Variants in DOK6 observed in about 807,000 individuals in gnomAD.
The protein encoded by DOK6 is docking protein 6, also known as downstream of tyrosine kinase 6.
In DOK6, 22 loss-of-function variants were observed where a neutral mutation model predicts 44.0. That is an observed-to-expected ratio of 0.50 (90% CI 0.36 to 0.71). The LOEUF is 0.71. Ranked by LOEUF, DOK6 falls within the 30% of genes least tolerant of loss-of-function variation. The pLI, the probability that DOK6 is intolerant of heterozygous loss-of-function variation, is 0.00. For missense variants in DOK6, 340 were observed against 416.4 expected (o/e 0.82, Z 1.60); for synonymous variants, 166 against 145.5 (o/e 1.14, Z -1.01).
chr18:69,626,519 G>T (rs1009770363), intron 3 of DOK6, among the ~76,000 whole-genome samples: 2 of 152,114 alleles, frequency 1.3e-5, no homozygotes, highest in African/African-American at 4.8e-5. Flanking sequence ...ATCCATGCTG[G>T]CAAAAAGCTA....
At chr18:69,820,957 C>A (rs946459752) in intron 7 of DOK6, among the ~76,000 whole-genome samples, 2 of 151,964 alleles carry the variant, frequency 1.3e-5, no homozygotes, top group Non-Finnish European at 2.9e-5. Context: ...AGGCTTTATA[C>A]CTGGGTGATG....
intron 7 of DOK6, among the ~76,000 whole-genome samples, chr18:69,822,224 T>G (rs1405485608): frequency 6.6e-6 from 1 of 152,164 alleles, no homozygotes; most frequent in Non-Finnish European, 1.5e-5. Flanking sequence ...ACCTTTAGCG[T>G]GGGAATTGTT....
At chr18:69,632,487 A>C (rs997344558) in intron 3 of DOK6, among the ~76,000 whole-genome samples, 5 of 152,170 alleles carry the variant, frequency 3.3e-5, no homozygotes, top group Non-Finnish European at 7.3e-5. Context: ...GTTATCTTGA[A>C]GATAACATCG....
At chr18:69,683,554 G>A (rs1316503223) in intron 4 of DOK6, among the ~76,000 whole-genome samples, 8 of 152,164 alleles carry the variant, frequency 5.3e-5, no homozygotes, top group African/African-American at 1.9e-4. Context: ...ACAAGAAGAT[G>A]GCCATGTGGC....
chr18:69,793,026 T>C (rs974255540), intron 7 of DOK6, among the ~76,000 whole-genome samples: 1 of 152,246 alleles, frequency 6.6e-6, no homozygotes, highest in East Asian at 1.9e-4. Flanking sequence ...TAGATAAATA[T>C]CCATATTAGA....
chr18:69,761,485 G>A lies in DOK6; in HGVS notation c.856+3612G>A, dbSNP rs573197308. On this transcript the variant is annotated intron_variant, in intron 7 of 7. Transcript: ENST00000382713. ...CCTGCTGTAACATTTCTCACCTCAA[G>A]AGTCCAGGACCTCAAATCTTTGGAT... Among the ~76,000 whole-genome samples, 5 of 152,256 alleles carry A rather than the reference G, an allele frequency of 3.3e-5. No individual in the cohort carries two copies. In the South Asian group the frequency reaches 1.0e-3, roughly 32 times the overall value.
intron 1 of DOK6, among the ~76,000 whole-genome samples, chr18:69,467,391 T>G (rs756625251): frequency 1.3e-5 from 2 of 152,146 alleles, no homozygotes; most frequent in Non-Finnish European, 2.9e-5. Context: ...TAATAACTTA[T>G]TTTGAATCAG....
chr18:69,647,086 T>TA (rs1322171246), intron 3 of DOK6, among the ~76,000 whole-genome samples: 1 of 62,860 alleles, frequency 1.6e-5, no homozygotes, highest in Non-Finnish European at 4.4e-5. Flanking sequence ...CTGTCTATCC[T>TA]ATCTGTCTAT....
At chr18:69,733,670 A>G (rs1260679263) in intron 5 of DOK6, among the ~76,000 whole-genome samples, 2 of 152,206 alleles carry the variant, frequency 1.3e-5, no homozygotes, top group African/African-American at 4.8e-5. Context: ...CATCTTTTTT[A>G]CACAAACATT....
At chr18:69,670,074 G>T (rs894186931) in intron 3 of DOK6, among the ~76,000 whole-genome samples, 3 of 151,962 alleles carry the variant, frequency 2.0e-5, no homozygotes, top group Non-Finnish European at 4.4e-5. Flanking sequence ...TGATTTTTTT[G>T]AACATATTTA....
chr18:69,718,166 G>T (rs972515628), intron 5 of DOK6, among the ~76,000 whole-genome samples: 1 of 152,170 alleles, frequency 6.6e-6, no homozygotes, highest in African/African-American at 2.4e-5. Context: ...GGGTGGATTC[G>T]CCTATTCTTG....
rs73468857 is a variant in DOK6 at position 69,499,639 on chromosome 18, G to A, written c.67-64848G>A. ...GTTTCTGATGGCTGACAATTCTGAC[G>A]TTTGTATCTGCAGCCCAGACTTCGG... On this transcript the variant is annotated intron_variant, in intron 1 of 7. Transcript: ENST00000382713. Among the ~76,000 whole-genome samples the A allele has an allele frequency of 1.9e-3, 293 of 152,166 alleles. 2 individuals carry two copies. The highest frequency in any genetic ancestry group is 6.5e-3 in the African/African-American group (268 of 41,528).
chr18:69,405,426 G>C (rs1340507292), intron 1 of DOK6, among the ~76,000 whole-genome samples: 1 of 151,974 alleles, frequency 6.6e-6, no homozygotes, highest in Non-Finnish European at 1.5e-5. Flanking sequence ...AAAAATTACA[G>C]AAAGTCAGCG....
intron 4 of DOK6, among the ~76,000 whole-genome samples, chr18:69,678,239 A>G (rs2144686306): frequency 6.6e-6 from 1 of 152,196 alleles, no homozygotes. Context: ...ACAGAGTAAG[A>G]CCCTGTCTCA....
At chr18:69,814,950 T>C (rs1174609727) in intron 7 of DOK6, among the ~76,000 whole-genome samples, 3 of 152,026 alleles carry the variant, frequency 2.0e-5, no homozygotes, top group Non-Finnish European at 2.9e-5. Context: ...AAAGGTAAGA[T>C]GGAGAGGTGG....
At chr18:69,750,510 T>G (rs1383135060) in intron 6 of DOK6, among the ~76,000 whole-genome samples, 1 of 152,024 alleles carries the variant, frequency 6.6e-6, no homozygotes, top group Non-Finnish European at 1.5e-5. Context: ...GAAATGCAAA[T>G]AAAACCACAA....
chr18:69,685,979 C>G (rs146643938), intron 4 of DOK6, among the ~76,000 whole-genome samples: 1 of 152,010 alleles, frequency 6.6e-6, no homozygotes. Context: ...AAGTCCTAAC[C>G]CCTGGTACCT....
chr18:69,824,782 T>A (rs1981692245), intron 7 of DOK6, among the ~76,000 whole-genome samples: 1 of 152,234 alleles, frequency 6.6e-6, no homozygotes, highest in Non-Finnish European at 1.5e-5. Flanking sequence ...TAAAGGAGAT[T>A]GGTACCGCCC....
At chr18:69,514,910 T>TCC (rs1981476993) in intron 1 of DOK6, among the ~76,000 whole-genome samples, 1 of 151,986 alleles carries the variant, frequency 6.6e-6, no homozygotes, top group Non-Finnish European at 1.5e-5. Flanking sequence ...CACTCAGTGT[T>TCC]GTCTTCTGTT....
Sources: gnomAD v4.1 joint callset for allele counts (sites outside exome capture counted in the v4.1 genomes callset) on GRCh38, gnomAD v4.1.1 for gene constraint, MANE v1.5 for transcripts, NCBI Gene and HGNC (gene_info 2026-07-23, HGNC 2026-07-21) for gene names.